Variants in REC114 observed in about 807,000 individuals in gnomAD.
The protein encoded by REC114 is REC114 meiotic recombination protein.
A neutral mutation model predicts 31.3 loss-of-function variants in REC114; 27 were observed. The observed-to-expected ratio is 0.86, with a 90% CI of 0.64 to 1.19. The LOEUF (loss-of-function observed/expected upper bound fraction) is 1.19. REC114 is among the 50% of genes most tolerant of loss of function. The pLI is 0.00. For synonymous variants in REC114, 134 were observed against 127.7 expected, an observed-to-expected ratio of 1.05 and a Z score of -0.33; for missense variants, 344 against 326.9, an observed-to-expected ratio of 1.05 and a Z score of -0.40.
At chr15:73,460,510 G>T (rs147347829) in intron 1 of REC114, among the ~76,000 whole-genome samples, 119 of 152,238 alleles carry the variant, frequency 7.8e-4, no homozygotes, top group African/African-American at 2.6e-3. Flanking sequence ...ATAAAGTAAG[G>T]TGTTTCCTTA....
chr15:73,503,735 C>T (rs1019316274), intron 2 of REC114, among the ~76,000 whole-genome samples: 12 of 152,094 alleles, frequency 7.9e-5, no homozygotes, highest in African/African-American at 2.9e-4. Context: ...TGGGTTTCCT[C>T]ATTTATGAAT....
chr15:73,559,790 A>G lies in REC114; in HGVS notation c.675A>G (p.Glu225=), dbSNP rs749102438. 3.1e-6 allele frequency: 5 copies of G among 1,608,730 alleles called. No homozygotes were observed. The East Asian group carries it at 6.7e-5, about 22-fold the overall frequency. ...LASEELPHVY[E]QSAWGAEELG... Reference sequence around the variant, plus strand: ...CGGAGGAGCTGCCCCATGTCTATGAACAATCTGCATGGGGTGCAGAAGAGT... The same window carrying G: ...CGGAGGAGCTGCCCCATGTCTATGAGCAATCTGCATGGGGTGCAGAAGAGT... The change falls in exon 6 of 6, where the codon GAA becomes GAG. Residue 225 remains glutamate (E), a synonymous_variant. Transcript: ENST00000331090.
chr15:73,449,671 G>GGCAACC (rs1892817447), intron 1 of REC114, among the ~76,000 whole-genome samples: 1 of 152,022 alleles, frequency 6.6e-6, no homozygotes, highest in African/African-American at 2.4e-5. Flanking sequence ...CCTCGAGAAG[G>GGCAACC]GCAACCCTAA....
rs192650044 is a variant in REC114 at position 73,515,508 on chromosome 15, A to G, written c.250-24977A>G. Among the ~76,000 whole-genome samples the G allele has an allele frequency of 7.2e-5, 11 of 152,192 alleles. No homozygotes were observed. The East Asian group carries it at 2.1e-3, about 29-fold the overall frequency. ...GAATTGTGTCTCTGCCCATATTCAT[A>G]TGTTGAAGCCCTAGCCCACAAAGTG... On this transcript the variant is annotated intron_variant, in intron 2 of 5. Coordinates refer to ENST00000331090, the MANE Select transcript of REC114 (RefSeq NM_001042367.2).
chr15:73,482,303 GTGAGTTCTTGCTC>G, intron 2 of REC114, among the ~76,000 whole-genome samples: 1 of 152,274 alleles, frequency 6.6e-6, no homozygotes, highest in Middle Eastern at 3.4e-3. Context: ...ACGATAATAA[GTGAGTTCTTGCTC>G]TGAGTTCATG....
intron 1 of REC114, among the ~76,000 whole-genome samples, chr15:73,446,497 G>A (rs200998077): frequency 1.3e-5 from 2 of 152,088 alleles, no homozygotes; most frequent in South Asian, 2.1e-4. Flanking sequence ...AAAATTAGCC[G>A]GGTGTAGTGG....
intron 2 of REC114, among the ~76,000 whole-genome samples, chr15:73,479,750 G>A (rs2141296237): frequency 6.6e-6 from 1 of 152,180 alleles, no homozygotes; most frequent in South Asian, 2.1e-4. Context: ...TGTTGAAAAT[G>A]GTAGGATGCC....
chr15:73,516,522 A>C (rs1893859589), intron 2 of REC114, among the ~76,000 whole-genome samples: 1 of 152,196 alleles, frequency 6.6e-6, no homozygotes, highest in African/African-American at 2.4e-5. Flanking sequence ...GAGTCCTGAG[A>C]AGTAAATTGA....
At chr15:73,509,958 G>C (rs1893738673) in intron 2 of REC114, among the ~76,000 whole-genome samples, 2 of 151,818 alleles carry the variant, frequency 1.3e-5, no homozygotes, top group African/African-American at 4.8e-5. Flanking sequence ...CTTTAAAGTA[G>C]TTTTTTCCAA....
At chr15:73,480,819 A>G (rs1465283399) in intron 2 of REC114, among the ~76,000 whole-genome samples, 1 of 152,148 alleles carries the variant, frequency 6.6e-6, no homozygotes, top group African/African-American at 2.4e-5. Context: ...CTGGGATTAC[A>G]GGTGCCCACC....
chr15:73,491,504 T>A (rs1295649786), intron 2 of REC114, among the ~76,000 whole-genome samples: 1 of 152,224 alleles, frequency 6.6e-6, no homozygotes. Flanking sequence ...TATCTTAATT[T>A]CTTTTGGGTA....
At chr15:73,500,352 C>CAAA (rs34228065) in intron 2 of REC114, among the ~76,000 whole-genome samples, 241 of 137,874 alleles carry the variant, frequency 1.7e-3, no homozygotes, top group African/African-American at 3.3e-3. Context: ...ACAGAAATAG[C>CAAA]AAAAAAAAAA....
chr15:73,547,942 T>C (rs1423836071), intron 3 of REC114, among the ~76,000 whole-genome samples: 1 of 152,170 alleles, frequency 6.6e-6, no homozygotes, highest in East Asian at 1.9e-4. Flanking sequence ...CAAAGAGCCA[T>C]GCACAGCAAA....
chr15:73,506,138 G>C lies in REC114; in HGVS notation c.249+32217G>C, dbSNP rs1319315288. ...GTTATTATTACTTATTTATGGAATAGGCTCCATAAATGAAAGGTTAAAAAA... is the reference window on the plus strand; with the variant it reads ...GTTATTATTACTTATTTATGGAATACGCTCCATAAATGAAAGGTTAAAAAA... On this transcript the variant is annotated intron_variant, in intron 2 of 5. Transcript: ENST00000331090. Among the ~76,000 whole-genome samples, 3 of 151,988 alleles carry C rather than the reference G, an allele frequency of 2.0e-5. No individual in the cohort carries two copies. The East Asian group carries it at 5.8e-4, about 29-fold the overall frequency.
At position 73,514,101 on chromosome 15, in the gene REC114, C is replaced by G. The variant is rs543365382; in HGVS notation, c.250-26384C>G. The stretch of plus-strand genomic sequence containing the variant: ...GCTGTGCTAGCAATCAGCGAGACTC[C>G]GTGGGGTAGGACCCTCCGAGCCAGG... On this transcript the variant is annotated intron_variant, in intron 2 of 5. Coordinates refer to ENST00000331090, the MANE Select transcript of REC114 (RefSeq NM_001042367.2). Among the ~76,000 whole-genome samples, 107 of 152,198 alleles carry G rather than the reference C, an allele frequency of 7.0e-4. 1 individual carries two copies. In the East Asian group the frequency reaches 0.018, roughly 25 times the overall value.
intron 1 of REC114, among the ~76,000 whole-genome samples, chr15:73,449,397 A>G (rs1039364987): frequency 6.6e-6 from 1 of 152,162 alleles, no homozygotes; most frequent in Non-Finnish European, 1.5e-5. Flanking sequence ...AAAGGATGTC[A>G]GAGACTGAAG....
chr15:73,491,603 A>G (rs1272523178), intron 2 of REC114, among the ~76,000 whole-genome samples: 1 of 152,212 alleles, frequency 6.6e-6, no homozygotes, highest in Admixed American at 6.5e-5. Context: ...CAGTTTTTCA[A>G]AGTGATTGTA....
chr15:73,495,685 T>C (rs7168470), intron 2 of REC114, among the ~76,000 whole-genome samples: 74 of 152,276 alleles, frequency 4.9e-4, no homozygotes, highest in African/African-American at 1.7e-3. Context: ...TTAGGGTCTT[T>C]TCAAAAACAC....
intron 1 of REC114, among the ~76,000 whole-genome samples, chr15:73,455,273 C>T (rs1394969222): frequency 6.6e-6 from 1 of 151,938 alleles, no homozygotes; most frequent in Non-Finnish European, 1.5e-5. Flanking sequence ...GTGGTACCTG[C>T]AGTAAAAAAA....
Sources: allele counts gnomAD v4.1 joint callset (sites outside exome capture counted in the v4.1 genomes callset), GRCh38; gene constraint gnomAD v4.1.1; transcripts MANE v1.5; gene names NCBI Gene and HGNC (gene_info 2026-07-23, HGNC 2026-07-21).